Variants in SH3TC1 observed in about 807,000 individuals in gnomAD.
SH3TC1 encodes the protein SH3 domain and tetratricopeptide repeats 1.
Under a neutral mutation model 117.3 loss-of-function variants are expected in SH3TC1, and 135 were observed. The observed-to-expected ratio is 1.15, with a 90% confidence interval of 1.00 to 1.33. SH3TC1 has a LOEUF of 1.33. SH3TC1 is among the 40% of genes most tolerant of loss of function. The pLI, the probability that SH3TC1 is intolerant of heterozygous loss-of-function variation, is 0.00. For missense variants in SH3TC1, 2,092 were observed against 1,794.3 expected (o/e 1.17, Z -3.00); for synonymous variants, 898 against 816.9 (o/e 1.10, Z -1.69).
Position 8,214,594 on chromosome 4 carries a change from C to G in SH3TC1, c.481+14C>G. ...ACCATGCTCTCGGTAAAGAGGTGAC[C>G]CTCCCAGAATTGGTCATGGGGACGC... On this transcript the variant is annotated intron_variant, in intron 5 of 17. Transcript: ENST00000245105. The G allele has an allele frequency of 6.2e-7, 1 of 1,610,304 alleles. No homozygotes were observed. The highest frequency in any genetic ancestry group is 8.5e-7 in the Non-Finnish European group (1 of 1,177,030).
chr4:8,224,246 G>A (rs772707729), intron 10 of SH3TC1, among the ~76,000 whole-genome samples: 1 of 152,168 alleles, frequency 6.6e-6, no homozygotes, highest in Non-Finnish European at 1.5e-5. Flanking sequence ...CTGCTTGCTC[G>A]ATGACATGCA....
rs923061227 is a variant in SH3TC1 at position 8,209,352 on chromosome 4, G to A, written c.173-396G>A. Reference sequence around the variant, plus strand: ...AAGGAGATGCAGTGACAAAGCGGAAGTAGAAGTGGCGGCCACAAGCCGAGG... The same window carrying A: ...AAGGAGATGCAGTGACAAAGCGGAAATAGAAGTGGCGGCCACAAGCCGAGG... On this transcript the variant is annotated intron_variant, in intron 2 of 17. Transcript: ENST00000245105. This position sits in a 1 kb window ranked among gnomAD's most constrained non-coding sequence, Gnocchi z 5.9. 3.3e-5 allele frequency among the ~76,000 whole-genome samples: 5 copies of A among 152,218 alleles called. No homozygotes were observed. The highest frequency in any genetic ancestry group is 2.0e-4 in the Admixed American group (3 of 15,284).
Position 8,217,144 on chromosome 4 carries a change from G to A in SH3TC1, c.816G>A (p.Pro272=), listed in dbSNP as rs202100528. 181 of 1,610,534 alleles carry A rather than the reference G, an allele frequency of 1.1e-4. 1 individual carries two copies. The East Asian group carries it at 2.3e-3, about 20-fold the overall frequency. The part of the protein sequence containing the change: ...SSEEVAVAAA[P]EPLIPFHQWA... Reference sequence around the variant, plus strand: ...AGGAGGTGGCAGTGGCGGCCGCCCCGGAGCCTTTGATTCCATTTCATCAGT... The same window carrying A: ...AGGAGGTGGCAGTGGCGGCCGCCCCAGAGCCTTTGATTCCATTTCATCAGT... Residue 272 remains proline (P), a synonymous_variant, in exon 7 of 18, where the codon CCG becomes CCA. Transcript: ENST00000245105.
chr4:8,205,382 C>A lies in SH3TC1; in HGVS notation c.172+16C>A, dbSNP rs1385472657. 23 of 1,535,964 alleles carry A rather than the reference C, an allele frequency of 1.5e-5. No individual in the cohort carries two copies. The highest frequency in any genetic ancestry group is 2.0e-5 in the Non-Finnish European group (23 of 1,139,672). On this transcript the variant is annotated intron_variant, in intron 2 of 17. Coordinates refer to ENST00000245105, the MANE Select transcript of SH3TC1 (RefSeq NM_018986.5). The surrounding 1 kb of genome is among the most constrained non-coding windows in gnomAD (Gnocchi z 5.4). ...GTGAGAGGCGGTGAGTTCATTCCAC[C>A]CTCACCACCCGCCCTCCATCCCACC...
intron 10 of SH3TC1, among the ~76,000 whole-genome samples, chr4:8,224,033 A>T (rs1161489226): frequency 1.7e-5 from 2 of 116,686 alleles, no homozygotes; most frequent in Non-Finnish European, 3.4e-5. Flanking sequence ...GCACACATGC[A>T]CTCACAAGTA....
upstream of SH3TC1, among the ~76,000 whole-genome samples, chr4:8,199,125 C>G (rs963597139): frequency 1.3e-5 from 2 of 152,204 alleles, no homozygotes; most frequent in African/African-American, 4.8e-5. Context: ...GCCTGGACCT[C>G]GTCCAGGAAA....
rs1160369251 is a variant in SH3TC1, at chr4:8,227,406, G to A, written c.1712G>A (p.Ser571Asn). Reference sequence around the variant, plus strand: ...TGCTTCCTCCTGGGGCGGCTGTGCAGCAGGAGGCTCAAGCTGTCCCAGGCC... The same window carrying A: ...TGCTTCCTCCTGGGGCGGCTGTGCAACAGGAGGCTCAAGCTGTCCCAGGCC... ...RLCFLLGRLC[S>N]RRLKLSQARV... Residue 571 changes from serine to asparagine, a missense_variant, in exon 12 of 18, where the codon AGC becomes AAC. Ser to Asn is a conservative substitution (Grantham distance 46, BLOSUM62 1). Coordinates refer to ENST00000245105, the MANE Select transcript of SH3TC1 (RefSeq NM_018986.5). The A allele has an allele frequency of 6.5e-7, 1 of 1,549,938 alleles. No homozygotes were observed. The highest frequency in any genetic ancestry group is 1.2e-5 in the South Asian group (1 of 80,658).
At chr4:8,187,211 G>A (rs546888237) in intron 1 of SH3TC1, among the ~76,000 whole-genome samples, 29 of 152,336 alleles carry the variant, frequency 1.9e-4, no homozygotes, top group African/African-American at 6.7e-4. Flanking sequence ...CAGGGGATAT[G>A]GGTTTGGGGG....
At chr4:8,220,721 G>A (rs1045373213) in intron 9 of SH3TC1, among the ~76,000 whole-genome samples, 1 of 152,186 alleles carries the variant, frequency 6.6e-6, no homozygotes, top group African/African-American at 2.4e-5. Flanking sequence ...CCTGTTCAAT[G>A]TTTAGGGCTG....
Position 8,227,008 on chromosome 4 carries a change from G to A in SH3TC1, c.1314G>A (p.Glu438=). 6.4e-7 allele frequency: 1 copy of A among 1,561,528 alleles called. No homozygotes were observed. Among genetic ancestry groups the A allele is most frequent in the Non-Finnish European group, 8.7e-7 (1 of 1,153,592 alleles). ...KEIPPPCLSL[E]PQETLQKVKN... is the part of the protein sequence containing the mutation. ...TACCTCCACCTTGCCTGAGCCTGGA[G>A]CCACAGGAGACCTTGCAGAAGGTGA... Residue 438 remains glutamate, a synonymous_variant, in exon 12 of 18, where the codon GAG becomes GAA. Transcript: ENST00000245105.
intron 1 of SH3TC1, among the ~76,000 whole-genome samples, chr4:8,200,037 T>TG (rs1410822474): frequency 6.6e-6 from 1 of 152,222 alleles, no homozygotes; most frequent in Admixed American, 6.5e-5. Flanking sequence ...AGACCCCCTC[T>TG]GGGCCTGTGC....
intron 7 of SH3TC1, among the ~76,000 whole-genome samples, chr4:8,217,579 CG>C (rs1015395003): frequency 1.3e-5 from 2 of 152,180 alleles, no homozygotes; most frequent in Non-Finnish European, 2.9e-5. Context: ...CTTGCTGAAG[CG>C]GGGGGCATTA....
chr4:8,205,173 G>A lies in SH3TC1; in HGVS notation c.-22G>A, dbSNP rs1339134015. 2 of 1,491,086 alleles carry A rather than the reference G, an allele frequency of 1.3e-6. No homozygotes were observed. Among genetic ancestry groups the A allele is most frequent in the South Asian group, 1.4e-5 (1 of 73,974 alleles). 92.4% of individuals were successfully genotyped at this position (1,491,086 alleles called of 1,614,324 possible). A position where few individuals can be genotyped will look rare whatever the true frequency, so the allele number is the denominator to read the frequency against. On this transcript the variant is annotated 5_prime_UTR_variant, in exon 2 of 18. Coordinates refer to ENST00000245105, the MANE Select transcript of SH3TC1 (RefSeq NM_018986.5). This position sits in a 1 kb window ranked among gnomAD's most constrained non-coding sequence, Gnocchi z 5.4. Reference sequence around the variant, plus strand: ...ACACCCCCTCTGTCCACAGGGCCAGGCATGTGAGGTCTCTGCGGGTCATGG... The same window carrying A: ...ACACCCCCTCTGTCCACAGGGCCAGACATGTGAGGTCTCTGCGGGTCATGG...
chr4:8,239,608 ACAGG>A (rs1160688511), intron 17 of SH3TC1, among the ~76,000 whole-genome samples: 1 of 151,678 alleles, frequency 6.6e-6, no homozygotes, highest in African/African-American at 2.4e-5. Flanking sequence ...GTGCACACAC[ACAGG>A]CATACACGGA....
At chr4:8,219,732 G>T (rs1719722520) in intron 9 of SH3TC1, among the ~76,000 whole-genome samples, 2 of 152,208 alleles carry the variant, frequency 1.3e-5, no homozygotes, top group African/African-American at 4.8e-5. Context: ...TCTCCGGGCT[G>T]CTGCAGGGAG....
At chr4:8,234,966 T>C (rs935717192) in intron 14 of SH3TC1, among the ~76,000 whole-genome samples, 4 of 152,198 alleles carry the variant, frequency 2.6e-5, no homozygotes, top group Non-Finnish European at 5.9e-5. Flanking sequence ...GGTGAAGCTT[T>C]TGTTTTTGAG....
In SH3TC1 at chr4:8,186,980, A is replaced by C. The variant is rs1717239846; in HGVS notation, c.-57+4770A>C. Among the ~76,000 whole-genome samples the C allele has an allele frequency of 6.7e-6, 1 of 149,012 alleles. No homozygotes were observed. The highest frequency in any genetic ancestry group is 1.5e-5 in the Non-Finnish European group (1 of 67,598). On this transcript the variant is annotated intron_variant, in intron 1 of 16. Coordinates refer to the SH3TC1 transcript ENST00000508641. The surrounding 1 kb of genome is among the most constrained non-coding windows in gnomAD (Gnocchi z 5.2). ...AAAAAAAGGACATGCTCCTGTAGGC[A>C]CATTGCTGTGCCTTTGCCCATTCTG...
At position 8,227,941 on chromosome 4, in the gene SH3TC1, C is replaced by A; in HGVS notation, c.2247C>A (p.Asn749Lys). The change falls in exon 12 of 18, where the codon AAC (asparagine) becomes AAA (lysine). Residue 749 changes from asparagine (N) to lysine (K), a missense_variant. Transcript: ENST00000245105. ...TGGCCGGCTCGCTGAGGAGTGTGAA[C>A]CTGGTGCTCCAGAACGCCCCCCAGC... ...GSLAGSLRSV[N>K]LVLQNAPQPH... The A allele has an allele frequency of 3.7e-6, 6 of 1,612,636 alleles. No homozygotes were observed. The highest frequency in any genetic ancestry group is 5.1e-6 in the Non-Finnish European group (6 of 1,179,956).
chr4:8,193,978 G>A (rs1281117), intron 1 of SH3TC1, among the ~76,000 whole-genome samples: 47,144 of 152,168 alleles, frequency 0.31, 8,379 homozygotes, highest in East Asian at 0.43. Context: ...TTTGCTGCAG[G>A]AGGCTGAAAA....
Sources: gnomAD v4.1 joint callset for allele counts (sites outside exome capture counted in the v4.1 genomes callset) on GRCh38, gnomAD v4.1.1 for gene constraint, Gnocchi (gnomAD v3.1) non-coding constraint, MANE v1.5 for transcripts, NCBI Gene and HGNC (gene_info 2026-07-23, HGNC 2026-07-21) for gene names.